USP47: variants seen among roughly 807,000 people sequenced by gnomAD.
The protein encoded by USP47 is ubiquitin specific peptidase 47, also known as ubiquitin carboxyl-terminal hydrolase 47.
Under a neutral mutation model 165.1 loss-of-function variants are expected in USP47, and 35 were observed. The observed-to-expected ratio is 0.21, with a 90% confidence interval of 0.16 to 0.28. The LOEUF (loss-of-function observed/expected upper bound fraction) is 0.28, where lower values mean the gene tolerates loss of function less well. Among genes scored for constraint, USP47 ranks in the 10% least tolerant of loss-of-function variants. The pLI is 1.00. For missense variants in USP47, 1,277 were observed against 1,607.4 expected, an observed-to-expected ratio of 0.79 and a Z score of 3.52; for synonymous variants, 531 against 544.5, an observed-to-expected ratio of 0.98 and a Z score of 0.35.
At chr11:11,934,510 C>T (rs889344276) in intron 16 of USP47, among the ~76,000 whole-genome samples, 4 of 152,100 alleles carry the variant, frequency 2.6e-5, no homozygotes, top group African/African-American at 7.2e-5. Context: ...TAGTCAGATG[C>T]GTTACCCATT....
chr11:11,874,581 C>T (rs544086268), intron 1 of USP47, among the ~76,000 whole-genome samples: 9 of 146,080 alleles, frequency 6.2e-5, no homozygotes, highest in South Asian at 2.1e-4. Flanking sequence ...TTTTTTGAGA[C>T]GGAGTTTTGC....
At chr11:11,848,916 G>A (rs1848577893) in intron 1 of USP47, among the ~76,000 whole-genome samples, 1 of 146,136 alleles carries the variant, frequency 6.8e-6, no homozygotes. Flanking sequence ...GCCGAAACTA[G>A]CGTTTTTATA....
At chr11:11,849,036 C>T (rs774089698) in intron 1 of USP47, among the ~76,000 whole-genome samples, 2 of 152,172 alleles carry the variant, frequency 1.3e-5, no homozygotes, top group African/African-American at 2.4e-5. Flanking sequence ...CTGCCCAGTA[C>T]TCCCAATATT....
At chr11:11,893,197 A>C (rs905651316) in intron 4 of USP47, among the ~76,000 whole-genome samples, 2 of 152,234 alleles carry the variant, frequency 1.3e-5, no homozygotes, top group African/African-American at 4.8e-5. Flanking sequence ...TGATAAATTT[A>C]CATATTATTT....
At chr11:11,931,257 T>G (rs1264942654) in intron 14 of USP47, among the ~76,000 whole-genome samples, 1 of 152,190 alleles carries the variant, frequency 6.6e-6, no homozygotes, top group African/African-American at 2.4e-5. Flanking sequence ...TTAGTAAATC[T>G]GTTTCAAGCA....
chr11:11,902,896 T>C, intron 6 of USP47, 36 bp downstream of exon 6: 1 of 1,490,148 alleles, frequency 6.7e-7, no homozygotes, highest in East Asian at 2.4e-5. Context: ...CGTTCTAATA[T>C]TCAAACAAAT....
At chr11:11,938,217 A>G (rs763054435) in intron 17 of USP47, 40 bp from the exon 18 acceptor site, 1 of 1,565,844 alleles carries the variant, frequency 6.4e-7, no homozygotes, top group Non-Finnish European at 8.8e-7. Context: ...ACATTAAAAA[A>G]TAACCTCCAA....
intron 16 of USP47, among the ~76,000 whole-genome samples, chr11:11,935,905 A>C (rs965909211): frequency 6.6e-6 from 1 of 151,946 alleles, no homozygotes; most frequent in Non-Finnish European, 1.5e-5. Context: ...ATTCTACTCC[A>C]GATTGGATTA....
chr11:11,850,354 G>A (rs1364307527), intron 1 of USP47, among the ~76,000 whole-genome samples: 1 of 147,180 alleles, frequency 6.8e-6, no homozygotes, highest in Admixed American at 6.7e-5. Context: ...TTGTCTTCCA[G>A]TTTTTCTACT....
chr11:11,921,836 A>T (rs1233593340), intron 10 of USP47, among the ~76,000 whole-genome samples: 3 of 151,916 alleles, frequency 2.0e-5, no homozygotes, highest in African/African-American at 4.8e-5. Flanking sequence ...TTCAGGAATT[A>T]TATCTCTTTG....
chr11:11,899,790 G>A (rs1054224889), intron 5 of USP47, among the ~76,000 whole-genome samples: 7 of 152,166 alleles, frequency 4.6e-5, no homozygotes, highest in Admixed American at 3.3e-4. Flanking sequence ...CAGAAAGGAA[G>A]GCCTTGAGAT....
intron 1 of USP47, among the ~76,000 whole-genome samples, chr11:11,846,545 A>G (rs947185713): frequency 2.0e-5 from 3 of 152,110 alleles, no homozygotes; most frequent in South Asian, 2.1e-4. Context: ...CTTTCATGCA[A>G]TCACTACTTC....
chr11:11,869,533 T>G (rs913542073), intron 1 of USP47, among the ~76,000 whole-genome samples: 1 of 152,204 alleles, frequency 6.6e-6, no homozygotes, highest in Admixed American at 6.5e-5. Flanking sequence ...TCAGGTAAAC[T>G]GAGACCTTTC....
intron 1 of USP47, among the ~76,000 whole-genome samples, chr11:11,872,730 G>T (rs945035390): frequency 3.3e-5 from 5 of 152,102 alleles, no homozygotes; most frequent in Non-Finnish European, 1.5e-5. Context: ...TTTTGTGAAA[G>T]GCACCATGTA....
intron 4 of USP47, among the ~76,000 whole-genome samples, chr11:11,894,746 T>C (rs1851743102): frequency 6.6e-6 from 1 of 152,228 alleles, no homozygotes; most frequent in Admixed American, 6.5e-5. Flanking sequence ...CTGAGGCCTG[T>C]GAATTCCTTG....
In USP47 at chr11:11,961,431, A is replaced by C. The variant is rs1847450307; in HGVS notation, c.*5256A>C. Among the ~76,000 whole-genome samples the C allele has an allele frequency of 6.6e-6, 1 of 152,080 alleles. No individual in the cohort carries two copies. The highest frequency in any genetic ancestry group is 2.1e-4 in the South Asian group (1 of 4,828). ...GAAAGCCAGAGAGCTGGCACCTGAG[A>C]AGGACAGAACTGTCATTGCAGGATT... On this transcript the variant is annotated 3_prime_UTR_variant, in exon 28 of 28. Transcript: ENST00000527733.
chr11:11,875,463 G>A (rs920918439), intron 1 of USP47, among the ~76,000 whole-genome samples: 2 of 152,048 alleles, frequency 1.3e-5, no homozygotes, highest in African/African-American at 2.4e-5. Flanking sequence ...TCCCTTCAGC[G>A]GGCTCTAAAA....
chr11:11,842,333 G>C (rs1048811986), intron 1 of USP47, 109 bp downstream of exon 1: 8 of 1,278,600 alleles, frequency 6.3e-6, no homozygotes, highest in Non-Finnish European at 2.1e-6. Context: ...GCTCGGCTGT[G>C]GGGGAATGAG....
intron 8 of USP47, 58 bp from the exon 9 acceptor site, chr11:11,920,098 G>A (rs1259435391): frequency 1.3e-5 from 17 of 1,275,936 alleles, no homozygotes; most frequent in Non-Finnish European, 1.8e-5. Context: ...TTTTATTCAG[G>A]ATTTTGTCAT....
Sources: allele counts gnomAD v4.1 joint callset (sites outside exome capture counted in the v4.1 genomes callset), GRCh38; gene constraint gnomAD v4.1.1; transcripts MANE v1.5; gene names NCBI Gene and HGNC (gene_info 2026-07-23, HGNC 2026-07-21).